DNAH2: variants seen among roughly 807,000 people sequenced by gnomAD.
DNAH2 encodes dynein axonemal heavy chain 2, also known as axonemal beta dynein heavy chain 2.
In DNAH2, 323 loss-of-function variants were observed where a neutral mutation model predicts 523.5. The ratio of observed to expected loss-of-function variants is 0.62; its 90% CI spans 0.56 to 0.68. The LOEUF (loss-of-function observed/expected upper bound fraction) is 0.68, where lower values mean the gene tolerates loss of function less well. DNAH2 is among the 30% of genes least tolerant of loss of function. The pLI is 0.00. For synonymous variants in DNAH2, 2,093 were observed against 2,177.4 expected (o/e 0.96, Z 1.08); for missense variants, 4,907 against 5,701.5 (o/e 0.86, Z 4.49).
rs1439901176 is a variant in DNAH2, at chr17:7,754,267, A to T, written c.1905-2824A>T. 2 of 288,002 alleles carry T rather than the reference A, an allele frequency of 6.9e-6. No individual in the cohort carries two copies. Among genetic ancestry groups the T allele is most frequent in the East Asian group, 1.3e-4 (2 of 15,528 alleles). 17.8% of individuals were successfully genotyped at this position (288,002 alleles called of 1,614,324 possible). On this transcript the variant is annotated intron_variant, in intron 12 of 85. Coordinates refer to ENST00000572933, the MANE Select transcript of DNAH2 (RefSeq NM_020877.5). The surrounding 1 kb of genome is among the most constrained non-coding windows in gnomAD (Gnocchi z 4.6). ...TGGCCAAACTTAAATGATGGGAAGG[A>T]ACTAGTAGATTGAAGGTATAGGAGA...
chr17:7,833,309 C>T (rs1347959596), intron 85 of DNAH2, 70 bp from the exon 86 acceptor site: 6 of 1,608,304 alleles, frequency 3.7e-6, no homozygotes, highest in Admixed American at 1.7e-5. Context: ...CCCACACCCG[C>T]TCCTGCCCTG....
At chr17:7,797,338 C>T (rs1433490029) in intron 51 of DNAH2, 62 bp from the exon 52 acceptor site, 2 of 1,613,374 alleles carry the variant, frequency 1.2e-6, no homozygotes, top group Non-Finnish European at 8.5e-7. Flanking sequence ...CAGCCTGACA[C>T]TGCCTTCCCC....
At position 7,797,519 on chromosome 17, in the gene DNAH2, C is replaced by T. The variant is rs1199375411; in HGVS notation, c.8069C>T (p.Pro2690Leu). ...CATCATCTCTGTCCCAGCAAGCGTC[C>T]TCCTATCTTTGGTGAGCCAGGAGCT... ...TFHHLCPSKR[P>L]PIFGDFLKEP... is the part of the protein sequence containing the mutation. Residue 2690 changes from proline to leucine, a missense_variant, in exon 52 of 86, where the codon CCT becomes CTT. Around this residue, in one of 3 missense-constraint regions of DNAH2, gnomAD observed 250 missense variants for 371.3 expected, o/e 0.67. Coordinates refer to ENST00000572933, the MANE Select transcript of DNAH2 (RefSeq NM_020877.5). 6 of 1,614,046 alleles carry T rather than the reference C, an allele frequency of 3.7e-6. No individual in the cohort carries two copies. The highest frequency in any genetic ancestry group is 4.2e-6 in the Non-Finnish European group (5 of 1,180,046).
Position 7,759,272 on chromosome 17 carries a change from C to T in DNAH2, c.2448+148C>T, listed in dbSNP as rs773313566. 10 of 1,427,570 alleles carry T rather than the reference C, an allele frequency of 7.0e-6. 1 individual carries two copies. The highest frequency in any genetic ancestry group is 9.4e-6 in the Non-Finnish European group (10 of 1,064,050). The allele number at this position is 1,427,570 out of a possible 1,614,324, so 88.4% of individuals were successfully genotyped here. ...TGCTCTAGTCTTGGACTCAGCCAAC[C>T]TTCAGTCCTCACACCTCTTCCTCCA... On this transcript the variant is annotated intron_variant, in intron 15 of 85. Transcript: ENST00000572933.
At position 7,830,707 on chromosome 17, in the gene DNAH2, C is replaced by A; in HGVS notation, c.12095C>A (p.Pro4032His). 1 of 1,614,150 alleles carries A rather than the reference C, an allele frequency of 6.2e-7. No homozygotes were observed. The highest frequency in any genetic ancestry group is 8.5e-7 in the Non-Finnish European group (1 of 1,180,022). ...SLYLDEYEETPWDALKYLIAG... is the reference protein window; with the variant it reads ...SLYLDEYEETHWDALKYLIAG... ...TATCTCGATGAGTACGAGGAGACACCTTGGGACGCACTTAAGTACCTCATT... is the reference window on the plus strand; with the variant it reads ...TATCTCGATGAGTACGAGGAGACACATTGGGACGCACTTAAGTACCTCATT... The change falls in exon 79 of 86, where the codon CCT (proline) becomes CAT (histidine). Residue 4032 changes from proline (P) to histidine (H), a missense_variant. Pro to His is a moderately conservative substitution (Grantham distance 77). This residue lies in a region of DNAH2 where 1,851 missense variants were observed against 2,139.4 expected (regional missense o/e 0.87). Coordinates refer to ENST00000572933, the MANE Select transcript of DNAH2 (RefSeq NM_020877.5).
Position 7,754,980 on chromosome 17 carries a change from A to AG in DNAH2, c.1905-2111_1905-2110insG. 2 of 397,196 alleles carry AG rather than the reference A, an allele frequency of 5.0e-6. No homozygotes were observed. The highest frequency in any genetic ancestry group is 9.0e-6 in the Non-Finnish European group (2 of 223,216). 24.6% of individuals were successfully genotyped at this position (397,196 alleles called of 1,614,324 possible). A position where few individuals can be genotyped will look rare whatever the true frequency, so the allele number is the denominator to read the frequency against. ...AGCCTGAGGCAGAAAAAAAAAAAAA[A>AG]AGAATAGGCAGCCCAGGAAGAAGGG... is the stretch of plus-strand genomic sequence containing the variant. On this transcript the variant is annotated intron_variant, in intron 12 of 85. Coordinates refer to ENST00000572933, the MANE Select transcript of DNAH2 (RefSeq NM_020877.5). The surrounding 1 kb of genome is among the most constrained non-coding windows in gnomAD (Gnocchi z 4.6).
At position 7,832,817 on chromosome 17, in the gene DNAH2, T is replaced by C. The variant is rs750579576; in HGVS notation, c.12904-37T>C. ...CTGGGGCCATGTATGTGTTCTCCTCTTCAGGGTCCTCTCTTATTCTCACCT... is the reference window on the plus strand; with the variant it reads ...CTGGGGCCATGTATGTGTTCTCCTCCTCAGGGTCCTCTCTTATTCTCACCT... On this transcript the variant is annotated intron_variant, in intron 83 of 85. Coordinates refer to ENST00000572933, the MANE Select transcript of DNAH2 (RefSeq NM_020877.5). The surrounding 1 kb of genome is among the most constrained non-coding windows in gnomAD (Gnocchi z 4.3). The C allele has an allele frequency of 5.0e-6, 8 of 1,614,120 alleles. No homozygotes were observed. In the Admixed American group the frequency reaches 1.2e-4, roughly 24 times the overall value.
intron 73 of DNAH2, among the ~76,000 whole-genome samples, chr17:7,822,408 A>G (rs1391171795): frequency 6.6e-6 from 1 of 152,156 alleles, no homozygotes; most frequent in Non-Finnish European, 1.5e-5. Context: ...GTCTCGCCTC[A>G]GGGCCTTTGC....
At chr17:7,799,075 C>T (rs1398291245) in intron 55 of DNAH2, 28 bp from the exon 56 acceptor site, 2 of 1,612,690 alleles carry the variant, frequency 1.2e-6, no homozygotes, top group Admixed American at 1.7e-5. Context: ...ACACGCCAGC[C>T]CTCTGACCCT....
intron 12 of DNAH2, among the ~76,000 whole-genome samples, chr17:7,751,946 T>TGTGC (rs2075695581): frequency 1.3e-5 from 2 of 150,142 alleles, no homozygotes; most frequent in East Asian, 2.0e-4. Flanking sequence ...TGTGTGTGTG[T>TGTGC]GCGTGTTTTG....
intron 30 of DNAH2, among the ~76,000 whole-genome samples, chr17:7,775,690 CCAAAAAAAAAAAAAGA>C (rs1449805708): frequency 2.6e-5 from 2 of 78,380 alleles, no homozygotes; most frequent in African/African-American, 1.0e-4. Flanking sequence ...CGTCTCAAAA[CCAAAAAAAAAAAAAGA>C]AAAAAAAAAA....
intron 18 of DNAH2, among the ~76,000 whole-genome samples, chr17:7,763,142 A>T (rs2076053811): frequency 6.6e-6 from 1 of 151,462 alleles, no homozygotes; most frequent in South Asian, 2.1e-4. Flanking sequence ...CACCCAGCTA[A>T]TTTTTGTATA....
chr17:7,809,447 T>G (rs1327677097), intron 63 of DNAH2, among the ~76,000 whole-genome samples: 1 of 152,158 alleles, frequency 6.6e-6, no homozygotes, highest in African/African-American at 2.4e-5. Flanking sequence ...TCTCTGCACC[T>G]CTGCACCTGC....
intron 8 of DNAH2, 126 bp downstream of exon 8, chr17:7,737,384 A>T: frequency 5.8e-6 from 6 of 1,032,142 alleles, no homozygotes; most frequent in Non-Finnish European, 8.4e-6. Context: ...TTCTGCTCAG[A>T]GACTGAGCTC....
chr17:7,798,469 G>T lies in DNAH2; in HGVS notation c.8399-89G>T, dbSNP rs925967438. 3.8e-6 allele frequency: 6 copies of T among 1,562,630 alleles called. No homozygotes were observed. Among genetic ancestry groups the T allele is most frequent in the Non-Finnish European group, 5.2e-6 (6 of 1,156,046 alleles). On this transcript the variant is annotated intron_variant, in intron 54 of 85. Transcript: ENST00000572933. The surrounding 1 kb of genome is among the most constrained non-coding windows in gnomAD (Gnocchi z 5.5). ...GATGGTGTCGCGTGTATGCTGCGGGGCGGGGAGGGTTCCTAAATCTCAGAA... is the reference window on the plus strand; with the variant it reads ...GATGGTGTCGCGTGTATGCTGCGGGTCGGGGAGGGTTCCTAAATCTCAGAA...
chr17:7,725,699 C>T (rs2074785386), intron 3 of DNAH2, among the ~76,000 whole-genome samples: 1 of 111,942 alleles, frequency 8.9e-6, no homozygotes, highest in Non-Finnish European at 1.7e-5. Flanking sequence ...CACCCCCACT[C>T]CGGCCTCCTG....
At chr17:7,811,953 G>GA (rs2151312068) in intron 63 of DNAH2, among the ~76,000 whole-genome samples, 1 of 152,272 alleles carries the variant, frequency 6.6e-6, no homozygotes, top group South Asian at 2.1e-4. Flanking sequence ...CATTATTTGA[G>GA]ATTAAAATAG....
rs889941426 is a variant in DNAH2, at chr17:7,786,493, G to A, written c.6349-77G>A. 2.7e-5 allele frequency: 40 copies of A among 1,481,456 alleles called. No homozygotes were observed. The highest frequency in any genetic ancestry group is 3.5e-5 in the South Asian group (3 of 85,292). 91.8% of individuals were successfully genotyped at this position (1,481,456 alleles called of 1,614,324 possible). On this transcript the variant is annotated intron_variant, in intron 40 of 85. Transcript: ENST00000572933. This position sits in a 1 kb window ranked among gnomAD's most constrained non-coding sequence, Gnocchi z 7.5. ...GCGATGAGAGAAGGGACAAATGCAC[G>A]TACCTAAGAGGGGTCTGGAAATAAA...
chr17:7,815,140 T>C (rs188921797), intron 63 of DNAH2, among the ~76,000 whole-genome samples: 4 of 152,348 alleles, frequency 2.6e-5, no homozygotes, highest in Admixed American at 2.6e-4. Context: ...AAGAATATCT[T>C]CTGGAGAGTG....
Sources: gnomAD v4.1 joint callset for allele counts (sites outside exome capture counted in the v4.1 genomes callset) on GRCh38, gnomAD v4.1.1 for gene constraint, gnomAD v4.1.1 regional missense constraint, Gnocchi (gnomAD v3.1) non-coding constraint, MANE v1.5 for transcripts, NCBI Gene and HGNC (gene_info 2026-07-23, HGNC 2026-07-21) for gene names.